The following ARB2A variants were observed in gnomAD, a reference collection of about 807,000 sequenced individuals.
The protein encoded by ARB2A is cotranscriptional regulator ARB2A.
chr5:94,074,721 A>G, the ARB2A span: 1 of 1,612,922 alleles, frequency 6.2e-7, no homozygotes, highest in Non-Finnish European at 8.5e-7. Flanking sequence ...CAAATTGGCA[A>G]CAAAATTAAA....
the ARB2A span, among the ~76,000 whole-genome samples, chr5:93,767,717 G>T: frequency 1.3e-5 from 2 of 151,866 alleles, no homozygotes; most frequent in African/African-American, 4.8e-5. Context: ...GAATTAGGCC[G>T]GGCACGTTGG....
chr5:93,696,459 C>T, the ARB2A span, among the ~76,000 whole-genome samples: 2 of 152,112 alleles, frequency 1.3e-5, no homozygotes, highest in South Asian at 2.1e-4. Flanking sequence ...AATCCCTGAA[C>T]GTCTTATTGG....
At chr5:93,784,603 A>T in the ARB2A span, 1 of 747,854 alleles carries the variant, frequency 1.3e-6, no homozygotes, top group Non-Finnish European at 2.2e-6. Context: ...ACAATGAAAA[A>T]GCAATATGCA....
At chr5:93,970,847 C>T in the ARB2A span, among the ~76,000 whole-genome samples, 35 of 152,178 alleles carry the variant, frequency 2.3e-4, no homozygotes, top group Middle Eastern at 6.8e-3. Flanking sequence ...TATTCGTTTG[C>T]TTAGAAAGCC....
chr5:94,107,127 A>C, the ARB2A span, among the ~76,000 whole-genome samples: 1 of 152,166 alleles, frequency 6.6e-6, no homozygotes, highest in Admixed American at 6.6e-5. Context: ...TTTCCAAGTA[A>C]AACATAAATA....
At chr5:93,632,175 T>C in the ARB2A span, among the ~76,000 whole-genome samples, 1 of 152,096 alleles carries the variant, frequency 6.6e-6, no homozygotes, top group Non-Finnish European at 1.5e-5. Context: ...TTCAGAGAGT[T>C]AGAAGTACTA....
the ARB2A span, chr5:93,620,204 A>C: frequency 6.6e-6 from 1 of 152,230 alleles, no homozygotes; most frequent in Non-Finnish European, 1.5e-5. Flanking sequence ...TCACACCTAC[A>C]CTTAAAAGAG....
At chr5:94,004,454 C>T in the ARB2A span, among the ~76,000 whole-genome samples, 4 of 151,750 alleles carry the variant, frequency 2.6e-5, no homozygotes, top group South Asian at 2.1e-4. Flanking sequence ...TTGTGGCAGG[C>T]GCCTGAAGTC....
the ARB2A span, among the ~76,000 whole-genome samples, chr5:94,095,175 C>T: frequency 2.0e-5 from 3 of 152,172 alleles, no homozygotes; most frequent in Admixed American, 1.3e-4. Context: ...CCAAAAGCCC[C>T]ACCCTAAGTC....
At chr5:94,008,067 T>C in the ARB2A span, among the ~76,000 whole-genome samples, 1 of 152,160 alleles carries the variant, frequency 6.6e-6, no homozygotes, top group Non-Finnish European at 1.5e-5. Context: ...AAGCCTACAT[T>C]CACACAACAC....
At chr5:94,038,649 A>C in the ARB2A span, among the ~76,000 whole-genome samples, 1 of 152,128 alleles carries the variant, frequency 6.6e-6, no homozygotes, top group Non-Finnish European at 1.5e-5. Context: ...CATTTAAATG[A>C]TAGTGCATTT....
At chr5:93,939,811 T>G in the ARB2A span, among the ~76,000 whole-genome samples, 1 of 152,116 alleles carries the variant, frequency 6.6e-6, no homozygotes, top group Admixed American at 6.5e-5. Flanking sequence ...TTATAGCACA[T>G]ACATTCATCG....
chr5:94,066,169 C>T, the ARB2A span, among the ~76,000 whole-genome samples: 1 of 151,780 alleles, frequency 6.6e-6, no homozygotes, highest in Non-Finnish European at 1.5e-5. Flanking sequence ...CACGACATAC[C>T]AAAACCTACG....
At chr5:93,997,950 C>T in the ARB2A span, among the ~76,000 whole-genome samples, 5 of 151,756 alleles carry the variant, frequency 3.3e-5, no homozygotes, top group Non-Finnish European at 2.9e-5. Flanking sequence ...CCTGATCAAA[C>T]GGTTCACAAA....
At chr5:93,832,512 GC>G in the ARB2A span, among the ~76,000 whole-genome samples, 12 of 152,156 alleles carry the variant, frequency 7.9e-5, no homozygotes, top group Non-Finnish European at 1.5e-4. Flanking sequence ...ATGATGTGCT[GC>G]CCAGAATCCC....
At chr5:93,857,615 C>T in the ARB2A span, among the ~76,000 whole-genome samples, 10 of 152,166 alleles carry the variant, frequency 6.6e-5, no homozygotes, top group African/African-American at 1.2e-4. Flanking sequence ...TCTCCTGGTG[C>T]GCCGTATTTT....
chr5:93,797,859 G>T, the ARB2A span, among the ~76,000 whole-genome samples: 1 of 152,078 alleles, frequency 6.6e-6, no homozygotes, highest in Non-Finnish European at 1.5e-5. Context: ...TACAGTACAA[G>T]GGAAGTGATA....
At chr5:93,653,947 T>C in the ARB2A span, among the ~76,000 whole-genome samples, 1 of 152,174 alleles carries the variant, frequency 6.6e-6, no homozygotes, top group Non-Finnish European at 1.5e-5. Context: ...TTGAGTCACT[T>C]GAATGAATGA....
the ARB2A span, among the ~76,000 whole-genome samples, chr5:93,977,300 C>A: frequency 6.6e-6 from 1 of 151,356 alleles, no homozygotes; most frequent in Non-Finnish European, 1.5e-5. Context: ...CAAGCCAAAC[C>A]TAAGCAAAAA....
Sources: gnomAD v4.1 joint callset for allele counts (sites outside exome capture counted in the v4.1 genomes callset) on GRCh38, gnomAD v4.1.1 for gene constraint, MANE v1.5 for transcripts, NCBI Gene and HGNC (gene_info 2026-07-23, HGNC 2026-07-21) for gene names.